The following APH1A variants were observed in gnomAD, a reference collection of about 807,000 sequenced individuals.
APH1A encodes aph-1A gamma-secretase subunit.
APH1A carries 16 observed loss-of-function variants against 30.3 expected under a neutral mutation model. The ratio of observed to expected loss-of-function variants is 0.53; its 90% confidence interval spans 0.36 to 0.80. The LOEUF is 0.80. Among genes scored for constraint, APH1A ranks in the 30% least tolerant of loss-of-function variants. The pLI, the probability that APH1A is intolerant of heterozygous loss-of-function variation, is 0.01. For synonymous variants in APH1A, 144 were observed against 140.1 expected, an observed-to-expected ratio of 1.03 and a Z score of -0.20; for missense variants, 245 against 337.8, an observed-to-expected ratio of 0.73 and a Z score of 2.15.
intron 5 of APH1A, 82 bp downstream of exon 5, chr1:150,266,993 G>C: frequency 6.3e-7 from 1 of 1,578,494 alleles, no homozygotes; most frequent in South Asian, 1.2e-5. Context: ...AAAATGTTAA[G>C]AAGTGAGGAT....
Position 150,266,610 on chromosome 1 carries a change from G to C in APH1A, c.656C>G (p.Ala219Gly). 6.2e-7 allele frequency: 1 copy of C among 1,614,110 alleles called. No individual in the cohort carries two copies. The highest frequency in any genetic ancestry group is 8.5e-7 in the Non-Finnish European group (1 of 1,180,006). ...WYEASLLPIY[A>G]VTVSMGLWAF... ...CCAGAGCCCCATGGAAACAGTGACT[G>C]CATAGATGGGCAGCAGGCTGGCCTC... Residue 219 changes from alanine to glycine, a missense_variant, in exon 6 of 7, where the codon GCA becomes GGA. By Grantham distance (60) the Ala-to-Gly change is moderately conservative (BLOSUM62 0). Coordinates refer to ENST00000369109, the MANE Select transcript of APH1A (RefSeq NM_001077628.3).
rs1038765187 is a variant in APH1A at position 150,266,740 on chromosome 1, C to T, written c.610-84G>A. On this transcript the variant is annotated intron_variant, in intron 5 of 6. Coordinates refer to ENST00000369109, the MANE Select transcript of APH1A (RefSeq NM_001077628.3). ...ATTCTCTCTGTACCTTTCTGACTCC[C>T]AGATATCTCTCTCAAATTCTCCAGT... The T allele has an allele frequency of 8.2e-6, 12 of 1,462,174 alleles. No homozygotes were observed. In the African/African-American group the frequency reaches 1.5e-4, roughly 19 times the overall value. The allele number at this position is 1,462,174 out of a possible 1,614,324, so 90.6% of individuals were successfully genotyped here. A position where few individuals can be genotyped will look rare whatever the true frequency, so the allele number is the denominator to read the frequency against.
At chr1:150,268,249 T>C (rs1046349418) in intron 1 of APH1A, 122 bp from the exon 2 acceptor site, 110 of 1,150,712 alleles carry the variant, frequency 9.6e-5, no homozygotes, top group Non-Finnish European at 1.3e-4. Context: ...TAGGGAGACA[T>C]GGACCAGGTA....
At chr1:150,266,250 AGGG>A in intron 6 of APH1A, 56 bp from the exon 7 acceptor site, 1 of 1,559,662 alleles carries the variant, frequency 6.4e-7, no homozygotes, top group Non-Finnish European at 8.7e-7. Flanking sequence ...GCACTGACAC[AGGG>A]GGAGTCCTGG....
chr1:150,267,787 T>C lies in APH1A; in HGVS notation c.287A>G (p.Lys96Arg). Reference protein sequence around the residue: ...FRFAYYKLLKKADEGLASLSE... With the variant: ...FRFAYYKLLKRADEGLASLSE... The stretch of plus-strand genomic sequence containing the variant: ...CAGCGATGCTAACCCCTCATCTGCC[T>C]TCCTGGGGTGGGGTGGGGTAGGGGA... Residue 96 changes from lysine (K) to arginine (R), a missense_variant and splice_region_variant, in exon 3 of 7, where the codon AAG becomes AGG. Lys to Arg is a conservative substitution (Grantham distance 26). Coordinates refer to ENST00000369109, the MANE Select transcript of APH1A (RefSeq NM_001077628.3). 1 of 1,606,976 alleles carries C rather than the reference T, an allele frequency of 6.2e-7. No individual in the cohort carries two copies. Among genetic ancestry groups the C allele is most frequent in the South Asian group, 1.1e-5 (1 of 90,938 alleles).
In APH1A at chr1:150,267,216, G is replaced by C; in HGVS notation, c.482-14C>G. 1 of 1,614,194 alleles carries C rather than the reference G, an allele frequency of 6.2e-7. No individual in the cohort carries two copies. The highest frequency in any genetic ancestry group is 8.5e-7 in the Non-Finnish European group (1 of 1,180,034). ...CTGTCAGAAAGGCTGCAGGGAGGGA[G>C]ATGGGGAGGAGATACATCCCTGATC... On this transcript the variant is annotated splice_polypyrimidine_tract_variant and intron_variant, in intron 4 of 6. Transcript: ENST00000369109.
rs200745916 is a variant in APH1A at position 150,268,775 on chromosome 1, G to A, written c.36C>T (p.Val12=). The A allele has an allele frequency of 1.2e-6, 2 of 1,613,790 alleles. No individual in the cohort carries two copies. The highest frequency in any genetic ancestry group is 1.7e-5 in the Admixed American group (1 of 59,994). Residue 12 remains valine, a synonymous_variant, in exon 1 of 7, where the codon GTC becomes GTT. Transcript: ENST00000369109. ...GAAVFFGCTF[V]AFGPAFALFL... is the part of the protein sequence containing the mutation. ...AAAGCGCGAAGGCCGGGCCGAACGC[G>A]ACGAAAGTGCAGCCGAAAAACACCG...
intron 3 of APH1A, 109 bp downstream of exon 3, chr1:150,267,607 G>C: frequency 6.4e-7 from 1 of 1,570,292 alleles, no homozygotes; most frequent in Non-Finnish European, 8.7e-7. Context: ...CTTTGGAAGT[G>C]ACGGATGAAG....
chr1:150,269,015 A>G lies in APH1A; in HGVS notation c.-205T>C, dbSNP rs2101856985. On this transcript the variant is annotated 5_prime_UTR_variant, in exon 1 of 7. Coordinates refer to ENST00000369109, the MANE Select transcript of APH1A (RefSeq NM_001077628.3). ...GCCACTTCCTCTACGGAAGCCGAAG[A>G]GGGGACAAATCCCGGCCGCAGCCCC... The G allele has an allele frequency of 1.9e-6, 1 of 528,210 alleles. No individual in the cohort carries two copies. The highest frequency in any genetic ancestry group is 1.9e-5 in the African/African-American group (1 of 52,186). The allele number at this position is 528,210 out of a possible 1,614,324, so 32.7% of individuals were successfully genotyped here. A position where few individuals can be genotyped will look rare whatever the true frequency, so the allele number is the denominator to read the frequency against.
chr1:150,268,317 G>A (rs1651916053), intron 1 of APH1A, 190 bp from the exon 2 acceptor site: 1 of 676,056 alleles, frequency 1.5e-6, no homozygotes, highest in East Asian at 2.7e-5. Context: ...CTGGAAAGGG[G>A]AGAAATCTAA....
intron 4 of APH1A, 63 bp from the exon 5 acceptor site, chr1:150,267,265 G>A: frequency 1.2e-6 from 2 of 1,612,894 alleles, no homozygotes; most frequent in South Asian, 1.1e-5. Flanking sequence ...CTGAGATGTT[G>A]AGCCAAAGAA....
chr1:150,268,662 C>T (rs1651959241), intron 1 of APH1A, 36 bp downstream of exon 1: 1 of 1,579,332 alleles, frequency 6.3e-7, no homozygotes, highest in Non-Finnish European at 8.6e-7. Flanking sequence ...CCTCTCTCTT[C>T]GACGCTCTCC....
rs199926282 is a variant in APH1A at position 150,265,879 on chromosome 1, A to G, written c.*251T>C. On this transcript the variant is annotated 3_prime_UTR_variant, in exon 7 of 7. Transcript: ENST00000369109. ...CTCAAAAAAGAAAAAAAGGCAGTTT[A>G]GGGTATTTATCACACCAAAAATGGT... 6.4e-6 allele frequency: 3 copies of G among 468,412 alleles called. No homozygotes were observed. Among genetic ancestry groups the G allele is most frequent in the Non-Finnish European group, 1.2e-5 (3 of 259,568 alleles). The allele number at this position is 468,412 out of a possible 1,614,324, so 29.0% of individuals were successfully genotyped here.
chr1:150,266,909 A>G, intron 5 of APH1A, 166 bp downstream of exon 5: 1 of 1,196,958 alleles, frequency 8.4e-7, no homozygotes, highest in African/African-American at 1.5e-5. Context: ...TCCTCCCCAG[A>G]GCAGGTGATA....
Position 150,266,657 on chromosome 1 carries a change from C to CTAGGAAGGAGGGTAAGAG in APH1A, c.610-19_610-2dup. 1 of 1,613,870 alleles carries CTAGGAAGGAGGGTAAGAG rather than the reference C, an allele frequency of 6.2e-7. No homozygotes were observed. The highest frequency in any genetic ancestry group is 1.1e-5 in the South Asian group (1 of 91,052). Reference sequence around the variant, plus strand: ...CCTCATACCAGGGGTTCAGGAATGTCTAGGAAGGAGGGTAAGAGTAGGAAA... The same window carrying CTAGGAAGGAGGGTAAGAG: ...CCTCATACCAGGGGTTCAGGAATGTCTAGGAAGGAGGGTAAGAGTAGGAAGGAGGGTAAGAGTAGGAAA... On this transcript the variant is annotated splice_acceptor_variant, in intron 5 of 6. Transcript: ENST00000369109. LOFTEE classifies it high-confidence loss of function.
Position 150,267,344 on chromosome 1 carries a change from G to C in APH1A, c.481+12C>G, listed in dbSNP as rs201704984. 2.5e-6 allele frequency: 4 copies of C among 1,614,108 alleles called. No individual in the cohort carries two copies. In the South Asian group the frequency reaches 4.4e-5, roughly 18 times the overall value. ...GATGGGGGGTAAAGGCTAGATAGAA[G>C]GTGGATCTTACCTGAAGTCAGGAAG... On this transcript the variant is annotated intron_variant, in intron 4 of 6. Coordinates refer to ENST00000369109, the MANE Select transcript of APH1A (RefSeq NM_001077628.3).
At chr1:150,266,401 T>A in intron 6 of APH1A, 132 bp downstream of exon 6, 1 of 1,522,572 alleles carries the variant, frequency 6.6e-7, no homozygotes, top group Non-Finnish European at 8.8e-7. Context: ...ACCCTGGAGG[T>A]AGTGGGGTAG....
At position 150,266,629 on chromosome 1, in the gene APH1A, T is replaced by A. The variant is rs782769608; in HGVS notation, c.637A>T (p.Ser213Cys). The A allele has an allele frequency of 6.2e-7, 1 of 1,614,054 alleles. No homozygotes were observed. Among genetic ancestry groups the A allele is most frequent in the South Asian group, 1.1e-5 (1 of 91,070 alleles). ...GTGACTGCATAGATGGGCAGCAGGC[T>A]GGCCTCATACCAGGGGTTCAGGAAT... ...LTFLNPWYEA[S>C]LLPIYAVTVS... Residue 213 changes from serine (S) to cysteine (C), a missense_variant, in exon 6 of 7, where the codon AGC (serine) becomes TGC (cysteine). Physicochemically the swap from Ser to Cys is moderately radical, Grantham distance 112. Transcript: ENST00000369109.
chr1:150,266,938 G>T, intron 5 of APH1A, 137 bp downstream of exon 5: 1 of 1,386,804 alleles, frequency 7.2e-7, no homozygotes, highest in South Asian at 1.4e-5. Context: ...GCTGAGGTGA[G>T]AGACCTTGAA....
Sources: allele counts gnomAD v4.1 joint callset, GRCh38; gene constraint gnomAD v4.1.1; transcripts MANE v1.5; gene names NCBI Gene and HGNC (gene_info 2026-07-23, HGNC 2026-07-21).